The following TPRN variants were observed in gnomAD, a reference collection of about 807,000 sequenced individuals.
The protein encoded by TPRN is taperin, also known as chromosome 9 open reading frame 75.
In TPRN, 32 loss-of-function variants were observed where a neutral mutation model predicts 42.6. That is an observed-to-expected ratio of 0.75 (90% CI 0.57 to 1.01). The LOEUF is 1.01. TPRN is among the 50% of genes least tolerant of loss of function. TPRN has a pLI of 0.00. For missense variants in TPRN, 1,095 were observed against 957.5 expected, an observed-to-expected ratio of 1.14 and a Z score of -1.90; for synonymous variants, 541 against 445.6, an observed-to-expected ratio of 1.21 and a Z score of -2.70.
intron 1 of TPRN, among the ~76,000 whole-genome samples, chr9:137,196,338 G>A (rs1206212688): frequency 6.6e-6 from 1 of 152,244 alleles, no homozygotes; most frequent in Non-Finnish European, 1.5e-5. Flanking sequence ...TGTAATCCCA[G>A]CACTTTGGGA....
chr9:137,195,965 C>T (rs949809741), intron 1 of TPRN, among the ~76,000 whole-genome samples: 2 of 152,184 alleles, frequency 1.3e-5, no homozygotes, highest in Non-Finnish European at 2.9e-5. Flanking sequence ...CTTAAGTGGG[C>T]CTGTGCCTGC....
chr9:137,198,715 C>T (rs1834742254), intron 1 of TPRN, among the ~76,000 whole-genome samples: 1 of 152,258 alleles, frequency 6.6e-6, no homozygotes, highest in Non-Finnish European at 1.5e-5. Context: ...GCCACAACAA[C>T]TGGCAAGGGA....
At position 137,195,300 on chromosome 9, in the gene TPRN, G is replaced by A. The variant is rs373904289; in HGVS notation, c.1726-2609C>T. Reference sequence around the variant, plus strand: ...AAGTGTGGCCCCAGCGCCAGGCACGGCCTCCACCCATGAGAAAGCTGAGGG... The same window carrying A: ...AAGTGTGGCCCCAGCGCCAGGCACGACCTCCACCCATGAGAAAGCTGAGGG... On this transcript the variant is annotated intron_variant, in intron 1 of 3. Transcript: ENST00000409012. Among the ~76,000 whole-genome samples, 29 of 152,382 alleles carry A rather than the reference G, an allele frequency of 1.9e-4. 2 individuals are homozygous for A. The East Asian group carries it at 4.2e-3, about 22-fold the overall frequency.
At position 137,200,028 on chromosome 9, in the gene TPRN, A is replaced by C; in HGVS notation, c.684T>G (p.Pro228=). 5 of 1,441,624 alleles carry C rather than the reference A, an allele frequency of 3.5e-6. No homozygotes were observed. Among genetic ancestry groups the C allele is most frequent in the African/African-American group, 1.4e-5 (1 of 69,724 alleles). The allele number at this position is 1,441,624 out of a possible 1,614,324, so 89.3% of individuals were successfully genotyped here. A position where few individuals can be genotyped will look rare whatever the true frequency, so the allele number is the denominator to read the frequency against. ...ARLLSNGHSA[P]EPRAGPANRL... is the part of the protein sequence containing the mutation. ...GGTTGGCAGGGCCGGCCCGGGGCTCAGGGGCCGAGTGCCCGTTGGAGAGCA... is the reference window on the plus strand; with the variant it reads ...GGTTGGCAGGGCCGGCCCGGGGCTCCGGGGCCGAGTGCCCGTTGGAGAGCA... The change falls in exon 1 of 4, where the codon CCT becomes CCG. Residue 228 remains proline (P), a synonymous_variant. Coordinates refer to ENST00000409012, the MANE Select transcript of TPRN (RefSeq NM_001128228.3). The surrounding 1 kb of genome is among the most constrained non-coding windows in gnomAD (Gnocchi z 4.3).
Position 137,200,467 on chromosome 9 carries a change from C to A in TPRN, c.245G>T (p.Arg82Leu). ...GCGCACGCCAGGCACGCGGCGGTACCGCTCCAGCAGCCGCGCCCCCGCCGC... is the reference window on the plus strand; with the variant it reads ...GCGCACGCCAGGCACGCGGCGGTACAGCTCCAGCAGCCGCGCCCCCGCCGC... ...GGAAGARLLE[R>L]YRRVPGVRAL... The change falls in exon 1 of 4, where the codon CGG (arginine) becomes CTG (leucine). Residue 82 changes from arginine (R) to leucine (L), a missense_variant. By Grantham distance (102) the Arg-to-Leu change is moderately radical. Transcript: ENST00000409012. This position sits in a 1 kb window ranked among gnomAD's most constrained non-coding sequence, Gnocchi z 4.3. 2 of 1,122,476 alleles carry A rather than the reference C, an allele frequency of 1.8e-6. No homozygotes were observed. Among genetic ancestry groups the A allele is most frequent in the Non-Finnish European group, 2.2e-6 (2 of 918,854 alleles). The allele number at this position is 1,122,476 out of a possible 1,614,324, so 69.5% of individuals were successfully genotyped here.
chr9:137,192,086 C>CAGCCTTGGTCCT lies in TPRN; in HGVS notation c.*14_*25dup. The CAGCCTTGGTCCT allele has an allele frequency of 6.2e-7, 1 of 1,610,498 alleles. No homozygotes were observed. The highest frequency in any genetic ancestry group is 1.1e-5 in the South Asian group (1 of 91,080). ...CTTCCGGGACTCCCACAGCTGGGCTCAGCCTTGGTCCTGGCAGTGCTGGGC... is the reference window on the plus strand; with the variant it reads ...CTTCCGGGACTCCCACAGCTGGGCTCAGCCTTGGTCCTAGCCTTGGTCCTGGCAGTGCTGGGC... On this transcript the variant is annotated 3_prime_UTR_variant, in exon 4 of 4. Transcript: ENST00000409012.
intron 1 of TPRN, among the ~76,000 whole-genome samples, chr9:137,197,926 G>A (rs985924832): frequency 6.6e-6 from 1 of 152,216 alleles, no homozygotes; most frequent in African/African-American, 2.4e-5. Context: ...CTGGTTCCAG[G>A]AGGGGAGTAT....
At position 137,196,432 on chromosome 9, in the gene TPRN, C is replaced by T. The variant is rs1037989989; in HGVS notation, c.1725+2555G>A. ...TAAAACCTCGTCTCTACTAAAAATACGATAATTAGCTGGGCATGGTGGCAG... is the reference window on the plus strand; with the variant it reads ...TAAAACCTCGTCTCTACTAAAAATATGATAATTAGCTGGGCATGGTGGCAG... On this transcript the variant is annotated intron_variant, in intron 1 of 3. Coordinates refer to ENST00000409012, the MANE Select transcript of TPRN (RefSeq NM_001128228.3). Among the ~76,000 whole-genome samples, 2 of 152,014 alleles carry T rather than the reference C, an allele frequency of 1.3e-5. 1 individual carries two copies. The highest frequency in any genetic ancestry group is 3.9e-4 in the East Asian group (2 of 5,172).
In TPRN at chr9:137,200,169, C is replaced by A; in HGVS notation, c.543G>T (p.Gly181=). 1 of 1,154,838 alleles carries A rather than the reference C, an allele frequency of 8.7e-7. No homozygotes were observed. Among genetic ancestry groups the A allele is most frequent in the Non-Finnish European group, 1.1e-6 (1 of 939,910 alleles). The allele number at this position is 1,154,838 out of a possible 1,614,324, so 71.5% of individuals were successfully genotyped here. A position where few individuals can be genotyped will look rare whatever the true frequency, so the allele number is the denominator to read the frequency against. ...CGGGGCTCGCCCCGCCACCGCGGGG[C>A]CCGGGCGCGGCGGGCGGGCTGGGGG... The part of the protein sequence containing the change: ...PAAPSPPAAP[G]PRGGGASPGA... Residue 181 remains glycine, a synonymous_variant, in exon 1 of 4, where the codon GGG becomes GGT. Transcript: ENST00000409012. This position sits in a 1 kb window ranked among gnomAD's most constrained non-coding sequence, Gnocchi z 4.3.
At chr9:137,196,405 G>A (rs1834706815) in intron 1 of TPRN, among the ~76,000 whole-genome samples, 2 of 152,132 alleles carry the variant, frequency 1.3e-5, no homozygotes, top group African/African-American at 4.8e-5. Context: ...TGGCCAATAT[G>A]GTAAAACCTC....
Position 137,200,689 on chromosome 9 carries a change from C to A in TPRN, c.23G>T (p.Gly8Val), listed in dbSNP as rs1437709821. Residue 8 changes from glycine to valine, a missense_variant, in exon 1 of 4, where the codon GGC (glycine) becomes GTC (valine). Coordinates refer to ENST00000409012, the MANE Select transcript of TPRN (RefSeq NM_001128228.3). The surrounding 1 kb of genome is among the most constrained non-coding windows in gnomAD (Gnocchi z 4.3). MAALGRPGSGPRAAVPAW... is the reference protein window; with the variant it reads MAALGRPVSGPRAAVPAW... ...GGGCACCGCAGCGCGCGGCCCCGAGCCCGGCCGCCCCAGGGCGGCCATGCT... is the reference window on the plus strand; with the variant it reads ...GGGCACCGCAGCGCGCGGCCCCGAGACCGGCCGCCCCAGGGCGGCCATGCT... 3 of 1,209,066 alleles carry A rather than the reference C, an allele frequency of 2.5e-6. No individual in the cohort carries two copies. Among genetic ancestry groups the A allele is most frequent in the Non-Finnish European group, 3.1e-6 (3 of 964,442 alleles). The allele number at this position is 1,209,066 out of a possible 1,614,324, so 74.9% of individuals were successfully genotyped here. A position where few individuals can be genotyped will look rare whatever the true frequency, so the allele number is the denominator to read the frequency against.
At chr9:137,197,764 G>A (rs1224669495) in intron 1 of TPRN, among the ~76,000 whole-genome samples, 1 of 152,188 alleles carries the variant, frequency 6.6e-6, no homozygotes, top group Non-Finnish European at 1.5e-5. Context: ...GGGCTGGGGT[G>A]ATGCTCGGGC....
chr9:137,197,843 C>T (rs1330330781), intron 1 of TPRN, among the ~76,000 whole-genome samples: 1 of 152,226 alleles, frequency 6.6e-6, no homozygotes, highest in Non-Finnish European at 1.5e-5. Flanking sequence ...CCCAAGCCCC[C>T]ACTGGAAGCA....
At position 137,200,210 on chromosome 9, in the gene TPRN, G is replaced by GGGGCGGCGC. The variant is rs1434051914; in HGVS notation, c.493_501dup (p.Ala165_Pro167dup). On this transcript the variant is annotated inframe_insertion, in exon 1 of 4. Transcript: ENST00000409012. The surrounding 1 kb of genome is among the most constrained non-coding windows in gnomAD (Gnocchi z 4.3). ...GGGCTGGGGGCCGCGGGCGGGGGCC[G>GGGGCGGCGC]GGGCGGCGCGGGCGGCGGCGGCGGC... 1 of 951,958 alleles carries GGGGCGGCGC rather than the reference G, an allele frequency of 1.1e-6. No individual in the cohort carries two copies. The allele number at this position is 951,958 out of a possible 1,614,324, so 59.0% of individuals were successfully genotyped here.
chr9:137,192,269 A>T lies in TPRN; in HGVS notation c.2063T>A (p.Val688Glu). 3 of 1,613,036 alleles carry T rather than the reference A, an allele frequency of 1.9e-6. No individual in the cohort carries two copies. Among genetic ancestry groups the T allele is most frequent in the Non-Finnish European group, 2.5e-6 (3 of 1,180,004 alleles). Residue 688 changes from valine (V) to glutamate (E), a missense_variant, in exon 3 of 4, where the codon GTG becomes GAG. Val to Glu is a moderately radical substitution (Grantham distance 121, BLOSUM62 -2). Coordinates refer to ENST00000409012, the MANE Select transcript of TPRN (RefSeq NM_001128228.3). ...QAPREAEPPPVEAMLTPASQN... is the reference protein window; with the variant it reads ...QAPREAEPPPEEAMLTPASQN... Reference sequence around the variant, plus strand: ...TCCCCCGCATCTCACCATGGCCTCCACGGGCGGGGGCTCTGCCTCCCTCGG... The same window carrying T: ...TCCCCCGCATCTCACCATGGCCTCCTCGGGCGGGGGCTCTGCCTCCCTCGG...
chr9:137,192,814 G>A (rs563096001), intron 1 of TPRN, 123 bp from the exon 2 acceptor site: 110 of 1,051,490 alleles, frequency 1.0e-4, no homozygotes, highest in African/African-American at 9.2e-4. Context: ...ACCATCAACC[G>A]TTCCGGGGGC....
chr9:137,195,597 C>T (rs1043884964), intron 1 of TPRN, among the ~76,000 whole-genome samples: 6 of 152,170 alleles, frequency 3.9e-5, no homozygotes, highest in Admixed American at 2.6e-4. Context: ...GATCAGAGAG[C>T]GAGGCCTTGG....
rs1564386724 is a variant in TPRN at position 137,200,379 on chromosome 9, G to A, written c.333C>T (p.Pro111=). ...ETVPGFPPAP[P]APGAAQIRAA... ...CGCGGATCTGCGCGGCCCCCGGGGC[G>A]GGCGGCGCGGGCGGGAAGCCGGGCA... The change falls in exon 1 of 4, where the codon CCC becomes CCT. Residue 111 remains proline, a synonymous_variant. Coordinates refer to ENST00000409012, the MANE Select transcript of TPRN (RefSeq NM_001128228.3). The surrounding 1 kb of genome is among the most constrained non-coding windows in gnomAD (Gnocchi z 4.3). The A allele has an allele frequency of 3.7e-6, 4 of 1,081,268 alleles. No individual in the cohort carries two copies. Among genetic ancestry groups the A allele is most frequent in the Non-Finnish European group, 4.5e-6 (4 of 895,240 alleles). 67.0% of individuals were successfully genotyped at this position (1,081,268 alleles called of 1,614,324 possible).
Position 137,200,093 on chromosome 9 carries a change from C to T in TPRN, c.619G>A (p.Val207Ile). The T allele has an allele frequency of 1.5e-6, 2 of 1,375,484 alleles. No homozygotes were observed. Among genetic ancestry groups the T allele is most frequent in the Non-Finnish European group, 1.9e-6 (2 of 1,070,782 alleles). The allele number at this position is 1,375,484 out of a possible 1,614,324, so 85.2% of individuals were successfully genotyped here. A position where few individuals can be genotyped will look rare whatever the true frequency, so the allele number is the denominator to read the frequency against. Residue 207 changes from valine (V) to isoleucine (I), a missense_variant, in exon 1 of 4, where the codon GTC becomes ATC. Coordinates refer to ENST00000409012, the MANE Select transcript of TPRN (RefSeq NM_001128228.3). This position sits in a 1 kb window ranked among gnomAD's most constrained non-coding sequence, Gnocchi z 4.3. ...CCGCGGTGCAGACCCCGGGGGTGGA[C>T]GGTGAAGGAGTTGCTGCCGGTCTTC... ...LQKTGSNSFTVHPRGLHRGAG... is the reference protein window; with the variant it reads ...LQKTGSNSFTIHPRGLHRGAG...
Sources: gnomAD v4.1 joint callset for allele counts (sites outside exome capture counted in the v4.1 genomes callset) on GRCh38, gnomAD v4.1.1 for gene constraint, Gnocchi (gnomAD v3.1) non-coding constraint, MANE v1.5 for transcripts, NCBI Gene and HGNC (gene_info 2026-07-23, HGNC 2026-07-21) for gene names.